The following ZNF148 variants were observed in gnomAD, a reference collection of about 807,000 sequenced individuals.
The protein encoded by ZNF148 is zinc finger protein 148.
In ZNF148, 7 loss-of-function variants were observed where a neutral mutation model predicts 67.7. That is an observed-to-expected ratio of 0.10 (90% CI 0.06 to 0.19). ZNF148 has a LOEUF of 0.19. Among genes scored for constraint, ZNF148 ranks in the 10% least tolerant of loss-of-function variants. The pLI is 1.00. For missense variants in ZNF148, 583 were observed against 947.1 expected (o/e 0.62, Z 5.05); for synonymous variants, 333 against 330.7 (o/e 1.01, Z -0.08).
chr3:125,351,421 A>G (rs575314419), intron 1 of ZNF148, among the ~76,000 whole-genome samples: 1 of 145,812 alleles, frequency 6.9e-6, no homozygotes, highest in East Asian at 2.0e-4. Context: ...GTTGCTATTC[A>G]ATGGGTATTG....
chr3:125,289,761 C>T (rs897323), intron 4 of ZNF148, among the ~76,000 whole-genome samples: 120,145 of 152,102 alleles, frequency 0.79, 48,250 homozygotes, highest in African/African-American at 0.92. Flanking sequence ...CATGTGGCAA[C>T]AAAAAAGAGG....
intron 7 of ZNF148, among the ~76,000 whole-genome samples, chr3:125,237,585 A>C (rs1936150361): frequency 6.6e-6 from 1 of 152,226 alleles, no homozygotes; most frequent in African/African-American, 2.4e-5. Context: ...CCATCTCAAA[A>C]AAAATTAAAC....
intron 1 of ZNF148, among the ~76,000 whole-genome samples, chr3:125,355,359 G>C (rs1384447109): frequency 6.6e-6 from 1 of 152,112 alleles, no homozygotes; most frequent in Non-Finnish European, 1.5e-5. Flanking sequence ...TTGTCATGGG[G>C]ACTGTCATAT....
chr3:125,322,996 A>ATATGTG (rs1484788204), intron 3 of ZNF148, among the ~76,000 whole-genome samples: 9 of 152,220 alleles, frequency 5.9e-5, no homozygotes, highest in Admixed American at 3.9e-4. Context: ...TAATGAGTGT[A>ATATGTG]TATGTGTTCA....
In ZNF148 at chr3:125,239,141, G is replaced by T. The variant is rs540372256; in HGVS notation, c.668-4812C>A. Among the ~76,000 whole-genome samples the T allele has an allele frequency of 2.6e-5, 4 of 152,254 alleles. No homozygotes were observed. In the East Asian group the frequency reaches 7.7e-4, roughly 29 times the overall value. On this transcript the variant is annotated intron_variant, in intron 7 of 8. Coordinates refer to ENST00000360647, the MANE Select transcript of ZNF148 (RefSeq NM_021964.3). ...AGAGTTATTGCTTAATGGGTACAGA[G>T]TTTCTATTCGGTTACACAACATTAT...
At chr3:125,358,955 C>T (rs537792894) in intron 1 of ZNF148, among the ~76,000 whole-genome samples, 1 of 152,324 alleles carries the variant, frequency 6.6e-6, no homozygotes, top group South Asian at 2.1e-4. Context: ...ATTTAAAACA[C>T]ACTTCTCTCC....
At chr3:125,325,909 A>G (rs1940996964) in intron 2 of ZNF148, among the ~76,000 whole-genome samples, 1 of 152,192 alleles carries the variant, frequency 6.6e-6, no homozygotes, top group South Asian at 2.1e-4. Flanking sequence ...AAGGAGAAAA[A>G]TCTTGAAAGC....
chr3:125,336,896 C>T (rs967242360), intron 1 of ZNF148, among the ~76,000 whole-genome samples: 2 of 151,284 alleles, frequency 1.3e-5, no homozygotes, highest in African/African-American at 2.4e-5. Flanking sequence ...AGGATGTTCT[C>T]GATCTCCTGA....
intron 7 of ZNF148, among the ~76,000 whole-genome samples, chr3:125,238,789 A>T (rs1163749987): frequency 6.6e-6 from 1 of 152,226 alleles, no homozygotes; most frequent in South Asian, 2.1e-4. Context: ...GAAAACATGG[A>T]TTCAAACAGA....
intron 4 of ZNF148, among the ~76,000 whole-genome samples, chr3:125,298,102 G>A (rs1026870150): frequency 1.3e-5 from 2 of 152,064 alleles, no homozygotes; most frequent in East Asian, 1.9e-4. Flanking sequence ...TGCTTATTTC[G>A]AATTCAAAGT....
intron 4 of ZNF148, among the ~76,000 whole-genome samples, chr3:125,307,459 C>T (rs544428584): frequency 3.3e-5 from 5 of 152,212 alleles, no homozygotes; most frequent in East Asian, 3.9e-4. Context: ...CTTGCTACCA[C>T]GCCCGGCTAA....
intron 3 of ZNF148, among the ~76,000 whole-genome samples, chr3:125,318,540 G>A (rs750594063): frequency 1.3e-5 from 2 of 152,142 alleles, no homozygotes; most frequent in African/African-American, 2.4e-5. Flanking sequence ...CAGCTTCAAG[G>A]AACCTCTATC....
chr3:125,311,052 A>C, intron 4 of ZNF148: 1 of 208,400 alleles, frequency 4.8e-6, no homozygotes, highest in Admixed American at 4.4e-5. Flanking sequence ...ATGATGATAC[A>C]ATACCACCTA....
intron 1 of ZNF148, among the ~76,000 whole-genome samples, chr3:125,347,017 T>C (rs1374380504): frequency 6.6e-6 from 1 of 152,136 alleles, no homozygotes; most frequent in African/African-American, 2.4e-5. Flanking sequence ...ATGCAAAATT[T>C]ACAAAAATCA....
At chr3:125,248,013 G>A (rs1449781911) in intron 7 of ZNF148, among the ~76,000 whole-genome samples, 1 of 152,046 alleles carries the variant, frequency 6.6e-6, no homozygotes, top group Non-Finnish European at 1.5e-5. Context: ...TATACACTCG[G>A]TACACAACTG....
At chr3:125,371,632 C>T (rs2107802536) in intron 1 of ZNF148, among the ~76,000 whole-genome samples, 1 of 145,164 alleles carries the variant, frequency 6.9e-6, no homozygotes, top group African/African-American at 2.6e-5. Flanking sequence ...GCACTTCAGC[C>T]TGAGCGACAA....
At chr3:125,263,941 C>T (rs756772813) in intron 7 of ZNF148, among the ~76,000 whole-genome samples, 1 of 152,202 alleles carries the variant, frequency 6.6e-6, no homozygotes, top group Non-Finnish European at 1.5e-5. Context: ...GGGCTAGAAA[C>T]TGAGTTAATA....
chr3:125,312,963 G>T (rs1940296238), intron 4 of ZNF148, among the ~76,000 whole-genome samples: 1 of 152,098 alleles, frequency 6.6e-6, no homozygotes. Context: ...AAAAACCCTT[G>T]AATGTGTGAT....
Position 125,316,211 on chromosome 3 carries a change from T to C in ZNF148, c.-16-2555A>G, listed in dbSNP as rs371536849. 8.5e-5 allele frequency among the ~76,000 whole-genome samples: 13 copies of C among 152,330 alleles called. No individual in the cohort carries two copies. In the East Asian group the frequency reaches 2.1e-3, roughly 25 times the overall value. On this transcript the variant is annotated intron_variant, in intron 3 of 8. Coordinates refer to ENST00000360647, the MANE Select transcript of ZNF148 (RefSeq NM_021964.3). ...TTCTTTATGGCTGAATACTACTCCA[T>C]TGTGCATATGTACATTTTCTTTATC...
Sources: gnomAD v4.1 joint callset for allele counts (sites outside exome capture counted in the v4.1 genomes callset) on GRCh38, gnomAD v4.1.1 for gene constraint, MANE v1.5 for transcripts, NCBI Gene and HGNC (gene_info 2026-07-23, HGNC 2026-07-21) for gene names.